The following TMEM242 variants were observed in gnomAD, a reference collection of about 807,000 sequenced individuals.
TMEM242 encodes the protein UPF0463 transmembrane protein C6orf35.
TMEM242 carries 10 observed loss-of-function variants against 18.2 expected under a neutral mutation model. The observed-to-expected ratio is 0.55, with a 90% confidence interval of 0.34 to 0.93. TMEM242 has a LOEUF of 0.93. Among genes scored for constraint, TMEM242 ranks in the 40% least tolerant of loss-of-function variants. The probability of loss-of-function intolerance (pLI) is 0.02; values close to 1 mark genes in which losing one functional copy is unlikely to be tolerated. For synonymous variants in TMEM242, 57 were observed against 69.9 expected (o/e 0.81, Z 0.92); for missense variants, 186 against 175.5 (o/e 1.06, Z -0.34).
Position 157,323,470 on chromosome 6 carries a change from C to T in TMEM242, c.30G>A (p.Gln10=). The T allele has an allele frequency of 6.2e-7, 1 of 1,614,036 alleles. No individual in the cohort carries two copies. Among genetic ancestry groups the T allele is most frequent in the Non-Finnish European group, 8.5e-7 (1 of 1,179,948 alleles). The change falls in exon 1 of 4, where the codon CAG becomes CAA. Residue 10 remains glutamine (Q), a synonymous_variant. Transcript: ENST00000400788. METAGAATG[Q]PASGLEAPGS... ...CCGGAGCCTCCAGCCCAGAGGCCGG[C>T]TGCCCAGTTGCAGCGCCCGCTGTCT...
At chr6:157,312,863 T>G (rs1554249462) in intron 3 of TMEM242, among the ~76,000 whole-genome samples, 1 of 125,602 alleles carries the variant, frequency 8.0e-6, no homozygotes. Flanking sequence ...CTCATCATAG[T>G]GTCCCAGTGT....
intron 3 of TMEM242, among the ~76,000 whole-genome samples, chr6:157,313,310 C>A (rs1778259106): frequency 6.6e-6 from 1 of 152,264 alleles, no homozygotes; most frequent in Non-Finnish European, 1.5e-5. Context: ...CATAGTGTCC[C>A]AGTGTGCGCT....
intron 3 of TMEM242, among the ~76,000 whole-genome samples, chr6:157,312,279 G>C (rs78119930): frequency 1.3e-5 from 2 of 152,256 alleles, no homozygotes; most frequent in Non-Finnish European, 2.9e-5. Context: ...CACTCACCTA[G>C]CCTCAACATA....
chr6:157,307,368 C>T (rs1777929229), intron 3 of TMEM242, among the ~76,000 whole-genome samples: 1 of 152,154 alleles, frequency 6.6e-6, no homozygotes, highest in Non-Finnish European at 1.5e-5. Flanking sequence ...TTGTCCCAGT[C>T]CTTGTCGCAC....
At chr6:157,307,102 T>C (rs1478252785) in intron 3 of TMEM242, among the ~76,000 whole-genome samples, 1 of 152,196 alleles carries the variant, frequency 6.6e-6, no homozygotes, top group African/African-American at 2.4e-5. Flanking sequence ...CAATCATAAG[T>C]AACTTTTAAA....
At chr6:157,304,150 A>G (rs782413067) in intron 3 of TMEM242, among the ~76,000 whole-genome samples, 8 of 152,128 alleles carry the variant, frequency 5.3e-5, no homozygotes, top group Non-Finnish European at 8.8e-5. Context: ...AATGTGGCAT[A>G]AAACATGGAA....
intron 3 of TMEM242, among the ~76,000 whole-genome samples, chr6:157,294,728 A>G (rs587665737): frequency 7.7e-4 from 117 of 152,282 alleles, no homozygotes; most frequent in African/African-American, 2.7e-3. Flanking sequence ...TTTCAATTTG[A>G]GGCTGAATCT....
chr6:157,293,020 A>T, intron 3 of TMEM242, 21 bp from the exon 4 acceptor site: 1 of 1,579,730 alleles, frequency 6.3e-7, no homozygotes, highest in Non-Finnish European at 8.7e-7. Context: ...AAAAATAATC[A>T]GTTATCAAAT....
chr6:157,309,992 T>C (rs905229459), intron 3 of TMEM242, among the ~76,000 whole-genome samples: 3 of 152,246 alleles, frequency 2.0e-5, no homozygotes, highest in Non-Finnish European at 2.9e-5. Context: ...CCCACAAACA[T>C]AGAGCACAGG....
chr6:157,311,383 T>A (rs1778082005), intron 3 of TMEM242, among the ~76,000 whole-genome samples: 1 of 104,810 alleles, frequency 9.5e-6, no homozygotes, highest in African/African-American at 3.5e-5. Context: ...TGTTCCAGTG[T>A]GCGCTCACCT....
Position 157,323,393 on chromosome 6 carries a change from TC to T in TMEM242, c.88+18del. 1 of 1,612,284 alleles carries T rather than the reference TC, an allele frequency of 6.2e-7. No homozygotes were observed. Among genetic ancestry groups the T allele is most frequent in the African/African-American group, 1.3e-5 (1 of 74,982 alleles). ...GTTAACTCACCCCGACGCCCGCACC[TC>T]ACCACAGCACATCTTACCTTTAACC... On this transcript the variant is annotated intron_variant, in intron 1 of 3. Coordinates refer to ENST00000400788, the MANE Select transcript of TMEM242 (RefSeq NM_018452.6).
chr6:157,302,190 A>C (rs969928516), intron 3 of TMEM242, among the ~76,000 whole-genome samples: 1 of 152,182 alleles, frequency 6.6e-6, no homozygotes, highest in Non-Finnish European at 1.5e-5. Context: ...CAAATTAAAA[A>C]CTGCAGTTTT....
Position 157,322,796 on chromosome 6 carries a change from A to G in TMEM242, c.98T>C (p.Phe33Ser). 6.2e-7 allele frequency: 1 copy of G among 1,613,544 alleles called. No homozygotes were observed. The highest frequency in any genetic ancestry group is 8.5e-7 in the Non-Finnish European group (1 of 1,179,830). Residue 33 changes from phenylalanine to serine, a missense_variant, in exon 2 of 4, where the codon TTC becomes TCC. Physicochemically the swap from Phe to Ser is radical, Grantham distance 155. Coordinates refer to ENST00000400788, the MANE Select transcript of TMEM242 (RefSeq NM_018452.6). The part of the protein sequence containing the change: ...DRLFLVKGGI[F>S]LGTVAAAGML... ...TCCCGCTGCAGCAACGGTACCAAGG[A>G]AAATTCCACCTGCCAAGAGTTTCGG...
intron 3 of TMEM242, among the ~76,000 whole-genome samples, chr6:157,309,283 AT>A (rs747419693): frequency 3.0e-4 from 45 of 150,506 alleles, no homozygotes; most frequent in South Asian, 1.0e-3. Flanking sequence ...TTCAACATTG[AT>A]TTTTTTTTTA....
At chr6:157,304,293 C>T (rs1289793172) in intron 3 of TMEM242, among the ~76,000 whole-genome samples, 1 of 151,636 alleles carries the variant, frequency 6.6e-6, no homozygotes, top group Non-Finnish European at 1.5e-5. Context: ...TGGTGAAAGC[C>T]CGTCTCTACA....
At chr6:157,296,943 T>G (rs781856694) in intron 3 of TMEM242, among the ~76,000 whole-genome samples, 1 of 152,226 alleles carries the variant, frequency 6.6e-6, no homozygotes, top group Non-Finnish European at 1.5e-5. Flanking sequence ...CAAATATGGA[T>G]GTTCTGTAGA....
rs1265408878 is a variant in TMEM242, at chr6:157,290,133, G to A, written c.*2768C>T. 1 of 152,240 alleles carries A rather than the reference G, an allele frequency of 6.6e-6. No homozygotes were observed. Among genetic ancestry groups the A allele is most frequent in the Non-Finnish European group, 1.5e-5 (1 of 68,066 alleles). 9.4% of individuals were successfully genotyped at this position (152,240 alleles called of 1,614,324 possible). A position where few individuals can be genotyped will look rare whatever the true frequency, so the allele number is the denominator to read the frequency against. ...TTGAATGAATCCTGGGGTCTCGGAAGCCACTCCTCCCTGCCCGTGCTTTCT... is the reference window on the plus strand; with the variant it reads ...TTGAATGAATCCTGGGGTCTCGGAAACCACTCCTCCCTGCCCGTGCTTTCT... On this transcript the variant is annotated 3_prime_UTR_variant, in exon 4 of 4. Coordinates refer to ENST00000400788, the MANE Select transcript of TMEM242 (RefSeq NM_018452.6).
chr6:157,299,838 G>C, intron 3 of TMEM242: 1 of 1,611,534 alleles, frequency 6.2e-7, no homozygotes. Context: ...TCACCCTTCA[G>C]TTTGCCTTCA....
intron 3 of TMEM242, among the ~76,000 whole-genome samples, chr6:157,295,000 A>G (rs1777733460): frequency 6.6e-6 from 1 of 152,254 alleles, no homozygotes. Flanking sequence ...AACACATGGA[A>G]AGTGCTCAAT....
Sources: gnomAD v4.1 joint callset for allele counts (sites outside exome capture counted in the v4.1 genomes callset) on GRCh38, gnomAD v4.1.1 for gene constraint, MANE v1.5 for transcripts, NCBI Gene and HGNC (gene_info 2026-07-23, HGNC 2026-07-21) for gene names.